The following ASL variants were observed in gnomAD, a reference collection of about 807,000 sequenced individuals.
The protein encoded by ASL is argininosuccinate lyase, also known as argininosuccinase.
A neutral mutation model predicts 69.1 loss-of-function variants in ASL; 51 were observed. The observed-to-expected ratio is 0.74, with a 90% CI of 0.59 to 0.93. The LOEUF (loss-of-function observed/expected upper bound fraction) is 0.93, where lower values mean the gene tolerates loss of function less well. ASL is among the 40% of genes least tolerant of loss of function. The pLI, the probability that ASL is intolerant of heterozygous loss-of-function variation, is 0.00. For missense variants in ASL, 540 were observed against 623.9 expected (o/e 0.87, Z 1.43); for synonymous variants, 241 against 247.6 (o/e 0.97, Z 0.25).
intron 13 of ASL, 59 bp from the exon 14 acceptor site, chr7:66,089,553 T>C: frequency 6.4e-7 from 1 of 1,565,312 alleles, no homozygotes; most frequent in Non-Finnish European, 8.8e-7. Context: ...GGTGGGGCTG[T>C]GGGGACCCTG....
intron 2 of ASL, among the ~76,000 whole-genome samples, chr7:66,080,754 A>G (rs1199060073): frequency 6.6e-6 from 1 of 152,176 alleles, no homozygotes; most frequent in Non-Finnish European, 1.5e-5. Flanking sequence ...AGATGCCTAC[A>G]TACCATTCCT....
At position 66,087,384 on chromosome 7, in the gene ASL, C is replaced by G. The variant is rs1397619877; in HGVS notation, c.653C>G (p.Ala218Gly). Residue 218 changes from alanine (A) to glycine (G), a missense_variant and splice_region_variant, in exon 9 of 17, where the codon GCA (alanine) becomes GGA (glycine). Transcript: ENST00000304874. ...PLGVDRELLR[A>G]ELNFGAITLN... ...GGTGTGGACCGAGAGCTGCTCCGAG[C>G]AGGTGAGACGTCCTGCCCCTCCTCC... The G allele has an allele frequency of 6.2e-7, 1 of 1,607,028 alleles. No homozygotes were observed. Among genetic ancestry groups the G allele is most frequent in the Admixed American group, 1.7e-5 (1 of 59,964 alleles).
intron 2 of ASL, among the ~76,000 whole-genome samples, chr7:66,077,940 C>T (rs1786395085): frequency 6.6e-6 from 1 of 152,072 alleles, no homozygotes; most frequent in Admixed American, 6.6e-5. Flanking sequence ...CAAGGGGAGG[C>T]ACCTCACTCT....
At chr7:66,076,308 G>T (rs954693020) in intron 2 of ASL, among the ~76,000 whole-genome samples, 1 of 152,190 alleles carries the variant, frequency 6.6e-6, no homozygotes, top group Non-Finnish European at 1.5e-5. Context: ...GGCAGCCCTT[G>T]TGGCAAACCC....
chr7:66,087,230 CTG>C, intron 8 of ASL, 102 bp from the exon 9 acceptor site: 1 of 1,384,086 alleles, frequency 7.2e-7, no homozygotes, highest in Non-Finnish European at 1.0e-6. Flanking sequence ...ACTTGGTTCT[CTG>C]TGTGTGCGTT....
chr7:66,088,172 T>G (rs1786725003), intron 10 of ASL, among the ~76,000 whole-genome samples: 1 of 151,278 alleles, frequency 6.6e-6, no homozygotes, highest in Non-Finnish European at 1.5e-5. Flanking sequence ...TCTCAAAAAA[T>G]AAAATAAAAT....
intron 14 of ASL, 90 bp downstream of exon 14, chr7:66,089,785 G>C: frequency 7.1e-7 from 1 of 1,407,810 alleles, no homozygotes; most frequent in Non-Finnish European, 9.8e-7. Context: ...GAGGTGAGGT[G>C]GGGCTGGAGG....
At chr7:66,085,753 C>T (rs755041219) in intron 6 of ASL, among the ~76,000 whole-genome samples, 48 of 152,020 alleles carry the variant, frequency 3.2e-4, no homozygotes, top group Non-Finnish European at 5.6e-4. Flanking sequence ...GAACTACAGG[C>T]GCCCACCACT....
intron 6 of ASL, among the ~76,000 whole-genome samples, chr7:66,085,282 G>C (rs893414563): frequency 1.7e-4 from 26 of 151,980 alleles, no homozygotes; most frequent in African/African-American, 6.0e-4. Flanking sequence ...TTCGAGACCA[G>C]CCTGGCCAAC....
At chr7:66,089,779 T>C (rs1786792340) in intron 14 of ASL, 84 bp downstream of exon 14, 1 of 1,466,754 alleles carries the variant, frequency 6.8e-7, no homozygotes, top group Admixed American at 1.9e-5. Flanking sequence ...TGGGAGGAGG[T>C]GAGGTGGGGC....
At position 66,085,428 on chromosome 7, in the gene ASL, C is replaced by T. The variant is rs373799467; in HGVS notation, c.447-1157C>T. 1.4e-3 allele frequency among the ~76,000 whole-genome samples: 215 copies of T among 151,952 alleles called. 2 individuals carry two copies. Among genetic ancestry groups the T allele is most frequent in the Middle Eastern group, 3.4e-3 (1 of 292 alleles). On this transcript the variant is annotated intron_variant, in intron 6 of 16. Coordinates refer to ENST00000304874, the MANE Select transcript of ASL (RefSeq NM_000048.4). ...TGGAGGTTGTAGTGAGCCGAGATCA[C>T]GCCACTGCATTCCAGCCTGGGCAAC...
intron 14 of ASL, 59 bp downstream of exon 14, chr7:66,089,754 CG>C: frequency 6.3e-7 from 1 of 1,577,518 alleles, no homozygotes. Context: ...GGTGGGCATG[CG>C]GGGAGGGTGG....
chr7:66,086,554 C>T (rs755795535), intron 6 of ASL, 31 bp from the exon 7 acceptor site: 36 of 1,611,046 alleles, frequency 2.2e-5, no homozygotes, highest in African/African-American at 2.7e-5. Context: ...CATGAGCCTC[C>T]ACCCGAGCTT....
In ASL at chr7:66,087,401, C is replaced by A. The variant is rs778259514; in HGVS notation, c.655+15C>A. 6 of 1,606,778 alleles carry A rather than the reference C, an allele frequency of 3.7e-6. No homozygotes were observed. In the South Asian group the frequency reaches 6.6e-5, roughly 18 times the overall value. On this transcript the variant is annotated intron_variant, in intron 9 of 16. Coordinates refer to ENST00000304874, the MANE Select transcript of ASL (RefSeq NM_000048.4). ...GCTCCGAGCAGGTGAGACGTCCTGC[C>A]CCTCCTCCCCAGGGAGAATCACCCT...
chr7:66,088,096 C>T (rs755176640), intron 10 of ASL, among the ~76,000 whole-genome samples: 3 of 151,762 alleles, frequency 2.0e-5, no homozygotes, highest in South Asian at 2.1e-4. Flanking sequence ...ACCCAGGAGG[C>T]GGAGGCTGCA....
Position 66,089,279 on chromosome 7 carries a change from G to A in ASL, c.922G>A (p.Ala308Thr). The A allele has an allele frequency of 6.2e-7, 1 of 1,610,674 alleles. No individual in the cohort carries two copies. The highest frequency in any genetic ancestry group is 8.5e-7 in the Non-Finnish European group (1 of 1,178,616). ...CTGTGCCTCCCTCTTCCCGCAGTGT[G>A]CCGGGCTCCTGATGACCCTCAAGGG... ...SKAGRVFGRC[A>T]GLLMTLKGLP... Residue 308 changes from alanine (A) to threonine (T), a missense_variant, in exon 13 of 17, where the codon GCC becomes ACC. Transcript: ENST00000304874.
At chr7:66,088,733 C>A (rs1401289106) in intron 10 of ASL, 74 bp from the exon 11 acceptor site, 3 of 1,333,392 alleles carry the variant, frequency 2.2e-6, no homozygotes, top group Non-Finnish European at 3.2e-6. Flanking sequence ...ACCGCCTAAC[C>A]TCCTCCTGCC....
At position 66,075,841 on chromosome 7, in the gene ASL, G is replaced by C. The variant is rs1469750322; in HGVS notation, c.-59G>C. Reference sequence around the variant, plus strand: ...GCCAGTGGCGGGCGCGACACTATCCGTGCGGCCAGGCGGAGGTGAGTGCGC... The same window carrying C: ...GCCAGTGGCGGGCGCGACACTATCCCTGCGGCCAGGCGGAGGTGAGTGCGC... On this transcript the variant is annotated 5_prime_UTR_variant, in exon 1 of 17. Transcript: ENST00000304874. 9.6e-6 allele frequency: 5 copies of C among 523,476 alleles called. No homozygotes were observed. Among genetic ancestry groups the C allele is most frequent in the Admixed American group, 7.1e-5 (2 of 28,020 alleles). The allele number at this position is 523,476 out of a possible 1,614,324, so 32.4% of individuals were successfully genotyped here.
chr7:66,091,893 A>G (rs1459093626), intron 14 of ASL, 113 bp from the exon 15 acceptor site: 1 of 1,023,268 alleles, frequency 9.8e-7, no homozygotes, highest in Non-Finnish European at 1.5e-6. Flanking sequence ...CCGAGTGGGT[A>G]AGAGAGTATC....
Sources: allele counts gnomAD v4.1 joint callset (sites outside exome capture counted in the v4.1 genomes callset), GRCh38; gene constraint gnomAD v4.1.1; transcripts MANE v1.5; gene names NCBI Gene and HGNC (gene_info 2026-07-23, HGNC 2026-07-21).